Variants in CTBP2 observed in about 807,000 individuals in gnomAD.
The protein encoded by CTBP2 is C-terminal-binding protein 2.
A neutral mutation model predicts 80.3 loss-of-function variants in CTBP2; 30 were observed. The ratio of observed to expected loss-of-function variants is 0.37; its 90% CI spans 0.28 to 0.51. CTBP2 has a LOEUF of 0.51. Ranked by LOEUF, CTBP2 falls within the 20% of genes least tolerant of loss-of-function variation. The pLI, the probability that CTBP2 is intolerant of heterozygous loss-of-function variation, is 0.93. For missense variants in CTBP2, 1,212 were observed against 1,375.3 expected (o/e 0.88, Z 1.88); for synonymous variants, 594 against 587.4 (o/e 1.01, Z -0.16).
At chr10:125,039,025 C>T in exon 3 of CTBP2, 1 of 1,613,268 alleles carries the variant, frequency 6.2e-7, no homozygotes, top group Non-Finnish European at 8.5e-7. Flanking sequence ...ATCGCTGTCT[C>T]TTGACTTTGT....
At chr10:125,056,442 A>T (rs1302984929) in intron 2 of CTBP2, among the ~76,000 whole-genome samples, 1 of 152,180 alleles carries the variant, frequency 6.6e-6, no homozygotes, top group Non-Finnish European at 1.5e-5. Context: ...CCTCAGGTGC[A>T]GGCAGGATAC....
intron 2 of CTBP2, among the ~76,000 whole-genome samples, chr10:125,055,557 C>G (rs745750513): frequency 7.2e-5 from 11 of 152,154 alleles, no homozygotes; most frequent in African/African-American, 2.4e-4. Flanking sequence ...CCCGCTCCCC[C>G]AGAAGCAGCA....
chr10:125,058,401 C>G (rs1477259629), intron 2 of CTBP2, among the ~76,000 whole-genome samples: 1 of 152,138 alleles, frequency 6.6e-6, no homozygotes, highest in Non-Finnish European at 1.5e-5. Context: ...TCCTCTCCCC[C>G]TGAGTTTTGC....
At chr10:125,002,821 C>T (rs961786822) in intron 3 of CTBP2, 139 bp downstream of exon 5, 1 of 1,029,138 alleles carries the variant, frequency 9.7e-7, no homozygotes, top group African/African-American at 1.6e-5. Context: ...CTCCACAGCC[C>T]GGCCTGGAGG....
At chr10:124,995,979 G>C (rs1303122918) in intron 4 of CTBP2, 1 of 152,018 alleles carries the variant, frequency 6.6e-6, no homozygotes, top group Admixed American at 6.5e-5. Context: ...TCCAGGGCCT[G>C]GAGGGCCTGT....
intron 1 of CTBP2, among the ~76,000 whole-genome samples, chr10:125,120,598 G>T (rs962565832): frequency 6.6e-5 from 10 of 152,146 alleles, no homozygotes; most frequent in African/African-American, 2.4e-4. Context: ...CGTTGGCCAG[G>T]CTGCTCTCAA....
At chr10:125,111,365 C>T (rs980506730) in intron 1 of CTBP2, among the ~76,000 whole-genome samples, 3 of 152,124 alleles carry the variant, frequency 2.0e-5, no homozygotes, top group Non-Finnish European at 2.9e-5. Context: ...GTGTCATCAC[C>T]GTGAAAATGT....
At position 125,039,059 on chromosome 10, in the gene CTBP2, T is replaced by C. The variant is rs1454354128; in HGVS notation, c.-5A>G. 1.9e-6 allele frequency: 3 copies of C among 1,611,688 alleles called. No homozygotes were observed. Among genetic ancestry groups the C allele is most frequent in the South Asian group, 2.2e-5 (2 of 90,872 alleles). On this transcript the variant is annotated 5_prime_UTR_variant, in exon 3 of 11. The change creates a new upstream start codon in the 5' untranslated region. Transcript: ENST00000337195. ...GTGCTTATCCACAAGGGCCATTCTT[T>C]ATGGAACTTTGCAACTCTCAGATCA...
At chr10:124,996,098 A>T in intron 4 of CTBP2, 1 of 135,794 alleles carries the variant, frequency 7.4e-6, no homozygotes, top group African/African-American at 3.0e-5. Flanking sequence ...AACTTTATCC[A>T]TGAGATTTTC....
intron 2 of CTBP2, among the ~76,000 whole-genome samples, chr10:125,080,364 G>A (rs921173508): frequency 1.3e-5 from 2 of 152,136 alleles, no homozygotes; most frequent in South Asian, 4.1e-4. Context: ...GTAGCCACCA[G>A]TGCACCCAGC....
At chr10:125,041,902 T>A (rs1959927195) in intron 2 of CTBP2, among the ~76,000 whole-genome samples, 1 of 151,406 alleles carries the variant, frequency 6.6e-6, no homozygotes, top group African/African-American at 2.4e-5. Flanking sequence ...AGCCATCAGC[T>A]TCCACAAACG....
chr10:125,111,413 G>A (rs1420227971), intron 1 of CTBP2, among the ~76,000 whole-genome samples: 2 of 152,128 alleles, frequency 1.3e-5, no homozygotes, highest in African/African-American at 4.8e-5. Context: ...AGCAAGCAAA[G>A]GGACAAAAGA....
At chr10:125,012,353 C>A (rs1362445889) in intron 1 of CTBP2, among the ~76,000 whole-genome samples, 1 of 152,212 alleles carries the variant, frequency 6.6e-6, no homozygotes, top group Non-Finnish European at 1.5e-5. Context: ...CGGGGACGGT[C>A]CCTGCAGGGA....
intron 2 of CTBP2, among the ~76,000 whole-genome samples, chr10:125,064,787 G>T (rs751411655): frequency 6.6e-6 from 1 of 152,158 alleles, no homozygotes; most frequent in Non-Finnish European, 1.5e-5. Flanking sequence ...TGAGATGTGG[G>T]GATTCAGCCC....
chr10:124,986,389 TGTTTA>T lies in CTBP2; in HGVS notation c.*3124_*3128del, dbSNP rs1209918765. The stretch of plus-strand genomic sequence containing the variant: ...TAAAGTATTTGCTTGCTTCTTGTTT[TGTTTA>T]GTTGATAATGAAATGTGTACAACCT... On this transcript the variant is annotated 3_prime_UTR_variant, in exon 9 of 9. Coordinates refer to ENST00000309035, the MANE Select transcript of CTBP2 (RefSeq NM_022802.3). 3 of 152,518 alleles carry T rather than the reference TGTTTA, an allele frequency of 2.0e-5. No homozygotes were observed. The highest frequency in any genetic ancestry group is 4.8e-5 in the African/African-American group (2 of 41,396). 9.4% of individuals were successfully genotyped at this position (152,518 alleles called of 1,614,324 possible).
At chr10:125,072,873 C>A (rs1564852282) in intron 2 of CTBP2, among the ~76,000 whole-genome samples, 4 of 152,156 alleles carry the variant, frequency 2.6e-5, no homozygotes, top group Admixed American at 1.3e-4. Context: ...CCCCTTGATA[C>A]ATGTCTCAGG....
chr10:125,055,189 G>A (rs764155313), intron 2 of CTBP2, among the ~76,000 whole-genome samples: 21 of 152,158 alleles, frequency 1.4e-4, no homozygotes, highest in Non-Finnish European at 2.1e-4. Context: ...CTGCAGCTAC[G>A]ATTAAGTCTG....
chr10:125,090,626 G>T (rs3853769), intron 2 of CTBP2, among the ~76,000 whole-genome samples: 28,726 of 151,862 alleles, frequency 0.19, 3,057 homozygotes, highest in Non-Finnish European at 0.25. Context: ...AGCTGGGCAT[G>T]GTGGCATATG....
upstream of CTBP2, among the ~76,000 whole-genome samples, chr10:125,032,399 A>T (rs1424530963): frequency 6.6e-6 from 1 of 152,176 alleles, no homozygotes; most frequent in Non-Finnish European, 1.5e-5. Flanking sequence ...CTGCGATCAG[A>T]AGGTCCCAGG....
Sources: allele counts gnomAD v4.1 joint callset (sites outside exome capture counted in the v4.1 genomes callset), GRCh38; gene constraint gnomAD v4.1.1; transcripts MANE v1.5; gene names NCBI Gene and HGNC (gene_info 2026-07-23, HGNC 2026-07-21).